The following E2F2 variants were observed in gnomAD, a reference collection of about 807,000 sequenced individuals.
E2F2 encodes the protein E2F transcription factor 2, also known as transcription factor E2F2.
Under a neutral mutation model 42.2 loss-of-function variants are expected in E2F2, and 22 were observed. The ratio of observed to expected loss-of-function variants is 0.52; its 90% confidence interval spans 0.37 to 0.74. The LOEUF is 0.74. Ranked by LOEUF, E2F2 falls within the 30% of genes least tolerant of loss-of-function variation. E2F2 has a pLI of 0.00. For synonymous variants in E2F2, 248 were observed against 251.6 expected (o/e 0.99, Z 0.13); for missense variants, 481 against 557.8 (o/e 0.86, Z 1.39).
intron 6 of E2F2, among the ~76,000 whole-genome samples, chr1:23,513,563 TGTGTGTGTGTGTG>T (rs1322356900): frequency 1.9e-3 from 9 of 4,632 alleles, no homozygotes; most frequent in Non-Finnish European, 8.7e-3. Flanking sequence ...GCACGGAACA[TGTGTGTGTGTGTG>T]TGTGTGTGTG....
In E2F2 at chr1:23,516,384, C is replaced by A; in HGVS notation, c.996G>T (p.Gln332His). 2 of 1,589,604 alleles carry A rather than the reference C, an allele frequency of 1.3e-6. No homozygotes were observed. The highest frequency in any genetic ancestry group is 8.5e-7 in the Non-Finnish European group (1 of 1,169,834). Reference sequence around the variant, plus strand: ...TGCTAGGGTCGGTGCTGCTGCTGGGCTGGGCAGAGTCAGGGCTGGGGCAGA... The same window carrying A: ...TGCTAGGGTCGGTGCTGCTGCTGGGATGGGCAGAGTCAGGGCTGGGGCAGA... The part of the protein sequence containing the change: ...STLCPSPDSA[Q>H]PSSSTDPSIM... Residue 332 changes from glutamine to histidine, a missense_variant, in exon 6 of 7, where the codon CAG (glutamine) becomes CAT (histidine). By Grantham distance (24) the Gln-to-His change is conservative. Coordinates refer to ENST00000361729, the MANE Select transcript of E2F2 (RefSeq NM_004091.4).
chr1:23,522,111 C>G (rs899971935), intron 2 of E2F2, 55 bp from the exon 3 acceptor site: 41 of 1,552,248 alleles, frequency 2.6e-5, no homozygotes, highest in Non-Finnish European at 3.5e-5. Context: ...CCGCCCAGGA[C>G]CCTCGTCCAT....
chr1:23,528,791 T>C (rs954757787), intron 1 of E2F2, among the ~76,000 whole-genome samples: 3 of 152,126 alleles, frequency 2.0e-5, no homozygotes, highest in African/African-American at 7.2e-5. Flanking sequence ...TTACTGAAAC[T>C]TCCAGTCTGA....
intron 1 of E2F2, among the ~76,000 whole-genome samples, chr1:23,529,589 C>T (rs1643305702): frequency 6.6e-6 from 1 of 152,222 alleles, no homozygotes; most frequent in Non-Finnish European, 1.5e-5. Flanking sequence ...AACCCAGGAC[C>T]TGGAGCTGAA....
intron 1 of E2F2, among the ~76,000 whole-genome samples, chr1:23,528,344 C>T (rs1026489730): frequency 6.6e-6 from 1 of 152,220 alleles, no homozygotes; most frequent in African/African-American, 2.4e-5. Flanking sequence ...GCAGCCCGGC[C>T]ACAAAGCAAG....
chr1:23,516,536 G>A lies in E2F2; in HGVS notation c.853-9C>T. ...TATATCTGCAGGTTGTCCTGGAGGA[G>A]GAAGAGAAGCCAGGTCATTGCTCTG... On this transcript the variant is annotated splice_polypyrimidine_tract_variant and intron_variant, in intron 5 of 6. Coordinates refer to ENST00000361729, the MANE Select transcript of E2F2 (RefSeq NM_004091.4). 1 of 1,597,318 alleles carries A rather than the reference G, an allele frequency of 6.3e-7. No homozygotes were observed. Among genetic ancestry groups the A allele is most frequent in the Non-Finnish European group, 8.5e-7 (1 of 1,171,226 alleles).
chr1:23,525,590 AC>A (rs1014642912), intron 1 of E2F2, among the ~76,000 whole-genome samples: 24 of 151,796 alleles, frequency 1.6e-4, no homozygotes, highest in Non-Finnish European at 3.1e-4. Context: ...CATCTTAAAA[AC>A]CCTGGAACAG....
In E2F2 at chr1:23,521,922, G is replaced by C; in HGVS notation, c.493C>G (p.Gln165Glu). 1 of 1,614,204 alleles carries C rather than the reference G, an allele frequency of 6.2e-7. No homozygotes were observed. Among genetic ancestry groups the C allele is most frequent in the Non-Finnish European group, 8.5e-7 (1 of 1,180,038 alleles). Residue 165 changes from glutamine to glutamate, a missense_variant, in exon 3 of 7, where the codon CAG (glutamine) becomes GAG (glutamate). Physicochemically the swap from Gln to Glu is conservative, Grantham distance 29. Transcript: ENST00000361729. ...LNWAAEVLDVQKRRIYDITNV... is the reference protein window; with the variant it reads ...LNWAAEVLDVEKRRIYDITNV... ...GTGATGTCATAGATGCGCCGCTTCT[G>C]CACGTCCAGCACCTCAGCGGCCCAG...
rs1643158075 is a variant in E2F2, at chr1:23,521,959, G to A, written c.456C>T (p.Val152=). The A allele has an allele frequency of 6.2e-7, 1 of 1,614,204 alleles. No individual in the cohort carries two copies. Reference sequence around the variant, plus strand: ...CCTCAGCGGCCCAGTTCAGGTCCAGGACCCCATCCTCTGACTCGCTCAGGA... The same window carrying A: ...CCTCAGCGGCCCAGTTCAGGTCCAGAACCCCATCCTCTGACTCGCTCAGGA... The part of the protein sequence containing the change: ...IYLLSESEDG[V]LDLNWAAEVL... The change falls in exon 3 of 7, where the codon GTC becomes GTT. Residue 152 remains valine (V), a synonymous_variant. Transcript: ENST00000361729.
rs66460864 is a variant in E2F2 at position 23,520,243 on chromosome 1, C to CAAA, written c.737+667_737+669dup. Among the ~76,000 whole-genome samples the CAAA allele has an allele frequency of 3.2e-3, 249 of 78,818 alleles. 37 individuals are homozygous for CAAA. The highest frequency in any genetic ancestry group is 0.015 in the African/African-American group (180 of 12,126). The allele number at this position is 78,818 out of a possible 152,430, so 51.7% of individuals were successfully genotyped here. A position where few individuals can be genotyped will look rare whatever the true frequency, so the allele number is the denominator to read the frequency against. Reference sequence around the variant, plus strand: ...CCTGGGCAAGAGTGAGACTCTGTCTCAAAAAAAAAAAAAAAAAAAAAAAAA... The same window carrying CAAA: ...CCTGGGCAAGAGTGAGACTCTGTCTCAAAAAAAAAAAAAAAAAAAAAAAAAAAA... On this transcript the variant is annotated intron_variant, in intron 4 of 6. Coordinates refer to ENST00000361729, the MANE Select transcript of E2F2 (RefSeq NM_004091.4).
rs765543935 is a variant in E2F2 at position 23,519,096 on chromosome 1, C to T, written c.772G>A (p.Val258Ile). 1.2e-6 allele frequency: 2 copies of T among 1,613,992 alleles called. No individual in the cohort carries two copies. The highest frequency in any genetic ancestry group is 2.2e-5 in the South Asian group (2 of 91,024). The change falls in exon 5 of 7, where the codon GTT (valine) becomes ATT (isoleucine). Residue 258 changes from valine (V) to isoleucine (I), a missense_variant. Transcript: ENST00000361729. ...AYVTYQDIRA[V>I]GNFKEQTVIA... Reference sequence around the variant, plus strand: ...ACTGTCTGCTCCTTAAAGTTGCCAACAGCACGGATATCCTGGTAAGTCACA... The same window carrying T: ...ACTGTCTGCTCCTTAAAGTTGCCAATAGCACGGATATCCTGGTAAGTCACA...
intron 3 of E2F2, among the ~76,000 whole-genome samples, chr1:23,521,372 A>C (rs1643143084): frequency 6.6e-6 from 1 of 152,010 alleles, no homozygotes; most frequent in South Asian, 2.1e-4. Context: ...TTCTCTTAGG[A>C]TTTATGCCAA....
chr1:23,530,462 A>C lies in E2F2; in HGVS notation c.252+80T>G. 4 of 1,555,032 alleles carry C rather than the reference A, an allele frequency of 2.6e-6. No homozygotes were observed. The South Asian group carries it at 4.8e-5, about 19-fold the overall frequency. ...CCCAAAACTCTACCTGCTCCACTCA[A>C]ACTGGATCTCAGGCACCCCTCCCTC... On this transcript the variant is annotated intron_variant, in intron 1 of 6. Coordinates refer to ENST00000361729, the MANE Select transcript of E2F2 (RefSeq NM_004091.4). This position sits in a 1 kb window ranked among gnomAD's most constrained non-coding sequence, Gnocchi z 4.4.
Position 23,530,534 on chromosome 1 carries a change from A to G in E2F2, c.252+8T>C, listed in dbSNP as rs1445058231. The G allele has an allele frequency of 1.9e-6, 3 of 1,610,774 alleles. No homozygotes were observed. Among genetic ancestry groups the G allele is most frequent in the South Asian group, 2.2e-5 (2 of 90,920 alleles). ...ATAGGGGGAAGCGGTGGGGGCCCCC[A>G]GCATTACCGGCAGCCGGCCTGCCGG... is the stretch of plus-strand genomic sequence containing the variant. On this transcript the variant is annotated splice_region_variant and intron_variant, in intron 1 of 6. Coordinates refer to ENST00000361729, the MANE Select transcript of E2F2 (RefSeq NM_004091.4). The surrounding 1 kb of genome is among the most constrained non-coding windows in gnomAD (Gnocchi z 4.4).
intron 4 of E2F2, 92 bp downstream of exon 4, chr1:23,520,821 C>T (rs1209097136): frequency 3.8e-6 from 5 of 1,318,734 alleles, no homozygotes; most frequent in East Asian, 2.8e-5. Flanking sequence ...GATGCCAGAC[C>T]CTTAGGGTAA....
Position 23,524,317 on chromosome 1 carries a change from T to C in E2F2, c.358+66A>G, listed in dbSNP as rs1643210839. On this transcript the variant is annotated intron_variant, in intron 2 of 6. Transcript: ENST00000361729. The stretch of plus-strand genomic sequence containing the variant: ...GTGATCCAAATATGACTACCAGTGA[T>C]TGGGCAGGGCACTGCCCTCTGCCCC... 4 of 1,225,376 alleles carry C rather than the reference T, an allele frequency of 3.3e-6. No individual in the cohort carries two copies. The South Asian group carries it at 4.6e-5, about 14-fold the overall frequency. The allele number at this position is 1,225,376 out of a possible 1,614,324, so 75.9% of individuals were successfully genotyped here.
At chr1:23,514,827 C>G (rs1329931727) in intron 6 of E2F2, among the ~76,000 whole-genome samples, 1 of 126,908 alleles carries the variant, frequency 7.9e-6, no homozygotes, top group African/African-American at 3.2e-5. Context: ...CGGAGCGAGA[C>G]TGTCTCAAAA....
intron 6 of E2F2, among the ~76,000 whole-genome samples, chr1:23,514,673 CA>C (rs34938409): frequency 1.5e-4 from 21 of 142,120 alleles, no homozygotes; most frequent in Admixed American, 2.1e-4. Flanking sequence ...ACTAAAAATA[CA>C]AAAAAAAAAA....
Position 23,525,815 on chromosome 1 carries a change from G to A in E2F2, c.253-1327C>T, listed in dbSNP as rs745842594. On this transcript the variant is annotated intron_variant, in intron 1 of 6. Coordinates refer to ENST00000361729, the MANE Select transcript of E2F2 (RefSeq NM_004091.4). ...TTCATACATCCTTCTGGGGGTCATC[G>A]AGCCCATTTCTTTCCTCTTTCCAAC... is the stretch of plus-strand genomic sequence containing the variant. 4.6e-5 allele frequency among the ~76,000 whole-genome samples: 7 copies of A among 152,090 alleles called. No homozygotes were observed. In the South Asian group the frequency reaches 1.2e-3, roughly 27 times the overall value.
Sources: allele counts gnomAD v4.1 joint callset (sites outside exome capture counted in the v4.1 genomes callset), GRCh38; gene constraint gnomAD v4.1.1; non-coding constraint Gnocchi (gnomAD v3.1); transcripts MANE v1.5; gene names NCBI Gene and HGNC (gene_info 2026-07-23, HGNC 2026-07-21).